Variants in KIF16B observed in about 807,000 individuals in gnomAD.
The protein encoded by KIF16B is kinesin family member 16B.
A neutral mutation model predicts 156.3 loss-of-function variants in KIF16B; 98 were observed. That is an observed-to-expected ratio of 0.63 (90% CI 0.53 to 0.74). KIF16B has a LOEUF of 0.74. Ranked by LOEUF, KIF16B falls within the 30% of genes least tolerant of loss-of-function variation. The pLI, the probability that KIF16B is intolerant of heterozygous loss-of-function variation, is 0.00. For missense variants in KIF16B, 1,421 were observed against 1,606.5 expected, an observed-to-expected ratio of 0.88 and a Z score of 1.97; for synonymous variants, 564 against 583.7, an observed-to-expected ratio of 0.97 and a Z score of 0.49.
chr20:16,461,928 A>G (rs1476917421), intron 12 of KIF16B, among the ~76,000 whole-genome samples: 1 of 152,226 alleles, frequency 6.6e-6, no homozygotes, highest in Admixed American at 6.5e-5. Flanking sequence ...GTGAATATTC[A>G]GCATGGCTAG....
At chr20:16,361,568 TGAA>T (rs1386499089) in intron 22 of KIF16B, among the ~76,000 whole-genome samples, 5 of 152,186 alleles carry the variant, frequency 3.3e-5, no homozygotes, top group South Asian at 2.1e-4. Flanking sequence ...TCCATCCCTG[TGAA>T]GGATGGGACT....
At chr20:16,374,778 C>T (rs1277615870) in intron 19 of KIF16B, among the ~76,000 whole-genome samples, 1 of 152,152 alleles carries the variant, frequency 6.6e-6, no homozygotes, top group East Asian at 1.9e-4. Flanking sequence ...CTGGTAAATA[C>T]TTACGTTTGA....
intron 12 of KIF16B, among the ~76,000 whole-genome samples, chr20:16,453,657 A>AT (rs1170402169): frequency 6.6e-6 from 1 of 152,226 alleles, no homozygotes; most frequent in Non-Finnish European, 1.5e-5. Context: ...TTATAGGAAC[A>AT]TATTTCACGG....
chr20:16,433,101 C>G (rs1238996420), intron 12 of KIF16B, among the ~76,000 whole-genome samples: 1 of 152,128 alleles, frequency 6.6e-6, no homozygotes. Context: ...GAAATTAAAG[C>G]AGAAATGGGA....
intron 17 of KIF16B, among the ~76,000 whole-genome samples, chr20:16,399,661 C>A (rs926041309): frequency 2.0e-5 from 3 of 152,204 alleles, no homozygotes; most frequent in Non-Finnish European, 2.9e-5. Context: ...TAGTCACTTA[C>A]AGGAGAAAGT....
intron 22 of KIF16B, chr20:16,367,304 T>A (rs1341126259): frequency 6.2e-7 from 1 of 1,612,916 alleles, no homozygotes; most frequent in South Asian, 1.1e-5. Flanking sequence ...TCAGGTGGAC[T>A]ATTTCTGGAA....
chr20:16,299,223 CGT>C (rs142284610), intron 25 of KIF16B, among the ~76,000 whole-genome samples: 1 of 151,464 alleles, frequency 6.6e-6, no homozygotes, highest in African/African-American at 2.4e-5. Context: ...CCCATGTGTG[CGT>C]GTGTGTGTGT....
intron 1 of KIF16B, among the ~76,000 whole-genome samples, chr20:16,559,038 G>A (rs139460693): frequency 6.6e-6 from 1 of 151,664 alleles, no homozygotes; most frequent in East Asian, 1.9e-4. Context: ...CTCTGCTCAC[G>A]GTTTCTAATG....
chr20:16,351,457 AG>A (rs1446609901), intron 23 of KIF16B, among the ~76,000 whole-genome samples: 1 of 152,356 alleles, frequency 6.6e-6, no homozygotes, highest in East Asian at 1.9e-4. Context: ...TCAGTGACTG[AG>A]AGGCATGCGA....
chr20:16,371,606 A>AAT, intron 21 of KIF16B, 59 bp downstream of exon 21: 15 of 1,052,978 alleles, frequency 1.4e-5, no homozygotes, highest in Non-Finnish European at 2.0e-5. Flanking sequence ...AAAAAAAAAA[A>AAT]GGAAAAAAGA....
intron 12 of KIF16B, among the ~76,000 whole-genome samples, chr20:16,487,440 T>C (rs976958511): frequency 6.6e-6 from 1 of 152,118 alleles, no homozygotes; most frequent in Non-Finnish European, 1.5e-5. Context: ...ACAGCCCCAG[T>C]TACGAGAGCT....
At chr20:16,398,312 G>C (rs2065564334) in intron 17 of KIF16B, among the ~76,000 whole-genome samples, 1 of 152,186 alleles carries the variant, frequency 6.6e-6, no homozygotes, top group Admixed American at 6.5e-5. Context: ...TAACATTGGA[G>C]AACAAAGTCA....
chr20:16,537,727 C>T (rs1261357905), intron 1 of KIF16B, among the ~76,000 whole-genome samples: 1 of 104,234 alleles, frequency 9.6e-6, no homozygotes, highest in African/African-American at 3.7e-5. Context: ...TTTTTTGAGA[C>T]AGGGTCTGGC....
chr20:16,495,776 A>G (rs1490039396), intron 11 of KIF16B, among the ~76,000 whole-genome samples: 1 of 151,842 alleles, frequency 6.6e-6, no homozygotes, highest in Non-Finnish European at 1.5e-5. Context: ...CATAGCCTCT[A>G]CCTCCCAGAG....
rs975879367 is a variant in KIF16B at position 16,494,838 on chromosome 20, T to C, written c.1243-488A>G. Among the ~76,000 whole-genome samples, 6 of 152,304 alleles carry C rather than the reference T, an allele frequency of 3.9e-5. No individual in the cohort carries two copies. The East Asian group carries it at 1.2e-3, about 29-fold the overall frequency. On this transcript the variant is annotated intron_variant, in intron 11 of 25. Coordinates refer to ENST00000354981, the MANE Select transcript of KIF16B (RefSeq NM_024704.5). ...CAGGGCTTATAAACCTCATTCTATC[T>C]TTTTTTGTTGTTGATAAAAAAAGAA...
At chr20:16,315,981 G>A (rs1009670529) in intron 24 of KIF16B, among the ~76,000 whole-genome samples, 2 of 152,158 alleles carry the variant, frequency 1.3e-5, no homozygotes, top group South Asian at 2.1e-4. Flanking sequence ...TATTTCCATC[G>A]GAAACAGCTT....
chr20:16,444,687 AT>A (rs548328976), intron 12 of KIF16B, among the ~76,000 whole-genome samples: 13 of 152,138 alleles, frequency 8.5e-5, no homozygotes, highest in African/African-American at 3.1e-4. Flanking sequence ...ATAAAATTCC[AT>A]TTTTTTGTAT....
intron 3 of KIF16B, among the ~76,000 whole-genome samples, chr20:16,525,225 C>T (rs2069496736): frequency 6.6e-6 from 1 of 152,098 alleles, no homozygotes; most frequent in Non-Finnish European, 1.5e-5. Flanking sequence ...CCCTACTTTT[C>T]GAGATGCCAT....
At chr20:16,503,515 A>G (rs951706687) in intron 10 of KIF16B, among the ~76,000 whole-genome samples, 1 of 152,228 alleles carries the variant, frequency 6.6e-6, no homozygotes, top group Non-Finnish European at 1.5e-5. Flanking sequence ...CAAGTGCCAC[A>G]TAATCCCACG....
Sources: allele counts gnomAD v4.1 joint callset (sites outside exome capture counted in the v4.1 genomes callset), GRCh38; gene constraint gnomAD v4.1.1; transcripts MANE v1.5; gene names NCBI Gene and HGNC (gene_info 2026-07-23, HGNC 2026-07-21).